COL23A1: variants seen among roughly 807,000 people sequenced by gnomAD.
COL23A1 encodes collagen alpha-1(XXIII) chain.
Under a neutral mutation model 99.3 loss-of-function variants are expected in COL23A1, and 97 were observed. The ratio of observed to expected loss-of-function variants is 0.98; its 90% CI spans 0.83 to 1.16. COL23A1 has a LOEUF of 1.16. COL23A1 is among the 50% of genes most tolerant of loss of function. The pLI is 0.00. For missense variants in COL23A1, 762 were observed against 757.4 expected, an observed-to-expected ratio of 1.01 and a Z score of -0.07; for synonymous variants, 320 against 308.2, an observed-to-expected ratio of 1.04 and a Z score of -0.40.
chr5:178,375,632 G>A (rs895811378), intron 2 of COL23A1, among the ~76,000 whole-genome samples: 3 of 152,180 alleles, frequency 2.0e-5, no homozygotes, highest in South Asian at 2.1e-4. Context: ...CCAGGCAAAC[G>A]CTTGCTCACT....
intron 2 of COL23A1, among the ~76,000 whole-genome samples, chr5:178,393,410 G>A (rs1257718602): frequency 6.6e-6 from 1 of 152,166 alleles, no homozygotes; most frequent in East Asian, 1.9e-4. Context: ...CTTAATGGGT[G>A]CAGAGTTTTC....
intron 2 of COL23A1, among the ~76,000 whole-genome samples, chr5:178,522,955 C>T (rs927844425): frequency 6.6e-6 from 1 of 151,348 alleles, no homozygotes; most frequent in Non-Finnish European, 1.5e-5. Flanking sequence ...CATCCCCTGC[C>T]CTATACTCTA....
At chr5:178,562,436 C>T (rs577812322) in intron 1 of COL23A1, among the ~76,000 whole-genome samples, 2 of 151,372 alleles carry the variant, frequency 1.3e-5, no homozygotes, top group South Asian at 4.2e-4. Flanking sequence ...CGCCTGTAGT[C>T]CCAGCTTACC....
At chr5:178,503,953 C>CCT (rs1020579156) in intron 2 of COL23A1, among the ~76,000 whole-genome samples, 2 of 152,036 alleles carry the variant, frequency 1.3e-5, no homozygotes, top group African/African-American at 4.8e-5. Flanking sequence ...GGAAACAGGT[C>CCT]CTCGGGTGTT....
At chr5:178,372,571 G>A (rs961390186) in intron 2 of COL23A1, among the ~76,000 whole-genome samples, 3 of 152,166 alleles carry the variant, frequency 2.0e-5, no homozygotes, top group Non-Finnish European at 2.9e-5. Flanking sequence ...CCCAGCTTCC[G>A]ATTTCTTTTT....
rs1172780803 is a variant in COL23A1 at position 178,252,578 on chromosome 5, C to T, written c.980G>A (p.Gly327Glu). ...AGGGATCCCTGGTGGCCCTGGGGGCCCCTGTGGTCCGGGAGGCCCCTGTGT... is the reference window on the plus strand; with the variant it reads ...AGGGATCCCTGGTGGCCCTGGGGGCTCCTGTGGTCCGGGAGGCCCCTGTGT... Reference protein sequence around the residue: ...DALKGPPGPQGPPGPPGIPGA... With the variant: ...DALKGPPGPQEPPGPPGIPGA... The change falls in exon 17 of 29, where the codon GGG becomes GAG. Residue 327 changes from glycine (G) to glutamate (E), a missense_variant. Coordinates refer to ENST00000390654, the MANE Select transcript of COL23A1 (RefSeq NM_173465.4). The T allele has an allele frequency of 6.2e-7, 1 of 1,611,384 alleles. No homozygotes were observed. The highest frequency in any genetic ancestry group is 1.1e-5 in the South Asian group (1 of 90,310).
At chr5:178,438,101 C>G (rs1235707985) in intron 2 of COL23A1, among the ~76,000 whole-genome samples, 1 of 152,232 alleles carries the variant, frequency 6.6e-6, no homozygotes, top group African/African-American at 2.4e-5. Context: ...TGGCACCTGT[C>G]CCCATCCTCA....
intron 2 of COL23A1, among the ~76,000 whole-genome samples, chr5:178,553,185 A>G (rs2113492475): frequency 6.6e-6 from 1 of 151,778 alleles, no homozygotes; most frequent in Admixed American, 6.6e-5. Flanking sequence ...AAAAAAAAAA[A>G]AAAGTCCCAA....
Position 178,547,479 on chromosome 5 carries a change from A to ACACC in COL23A1, c.361+13202_361+13203insGGTG, listed in dbSNP as rs1298188871. 2.0e-3 allele frequency among the ~76,000 whole-genome samples: 38 copies of ACACC among 19,402 alleles called. 1 individual carries two copies. Among genetic ancestry groups the ACACC allele is most frequent in the African/African-American group, 3.8e-3 (27 of 7,104 alleles). The allele number at this position is 19,402 out of a possible 152,430, so 12.7% of individuals were successfully genotyped here. A position where few individuals can be genotyped will look rare whatever the true frequency, so the allele number is the denominator to read the frequency against. ...TGTGGGCACACACACCCACACACCC[A>ACACC]CACACACACCCACACATCCCCATAC... On this transcript the variant is annotated intron_variant, in intron 2 of 28. Coordinates refer to ENST00000390654, the MANE Select transcript of COL23A1 (RefSeq NM_173465.4).
At chr5:178,441,134 TGA>T (rs1766843133) in intron 2 of COL23A1, among the ~76,000 whole-genome samples, 1 of 152,166 alleles carries the variant, frequency 6.6e-6, no homozygotes, top group Admixed American at 6.5e-5. Flanking sequence ...GTCTACTCTG[TGA>T]GAGTGGCTTT....
intron 2 of COL23A1, among the ~76,000 whole-genome samples, chr5:178,414,786 A>G (rs556185570): frequency 1.3e-5 from 2 of 152,176 alleles, no homozygotes; most frequent in African/African-American, 4.8e-5. Flanking sequence ...AAAAAAGGCA[A>G]CCAGGAAAGC....
chr5:178,386,657 GCTCA>G lies in COL23A1; in HGVS notation c.362-79742_362-79739del, dbSNP rs145549014. ...CTCCGTGAACTCCCCCGCCCCCACAGCTCACTGAGACCCGGTGGGAGGGAAGCGT... is the reference window on the plus strand; with the variant it reads ...CTCCGTGAACTCCCCCGCCCCCACAGCTGAGACCCGGTGGGAGGGAAGCGT... On this transcript the variant is annotated intron_variant, in intron 2 of 28. Transcript: ENST00000390654. Among the ~76,000 whole-genome samples the G allele has an allele frequency of 3.5e-3, 537 of 152,258 alleles. 3 individuals carry two copies. The highest frequency in any genetic ancestry group is 0.012 in the African/African-American group (512 of 41,550).
chr5:178,453,960 G>A (rs1162901453), intron 2 of COL23A1, among the ~76,000 whole-genome samples: 1 of 152,058 alleles, frequency 6.6e-6, no homozygotes, highest in African/African-American at 2.4e-5. Flanking sequence ...AGATATTGTG[G>A]CCAAAGTTTG....
rs535193663 is a variant in COL23A1 at position 178,458,366 on chromosome 5, G to A, written c.361+102316C>T. Among the ~76,000 whole-genome samples the A allele has an allele frequency of 3.9e-5, 6 of 152,310 alleles. No individual in the cohort carries two copies. The East Asian group carries it at 1.2e-3, about 29-fold the overall frequency. On this transcript the variant is annotated intron_variant, in intron 2 of 28. Transcript: ENST00000390654. ...AAAGAAAGAAGAGTAACAGAGCCGG[G>A]CACGGTGGCTCATGCCTGTAATCCC... is the stretch of plus-strand genomic sequence containing the variant.
At chr5:178,270,568 G>A (rs1756234079) in intron 5 of COL23A1, among the ~76,000 whole-genome samples, 1 of 152,164 alleles carries the variant, frequency 6.6e-6, no homozygotes, top group Admixed American at 6.5e-5. Flanking sequence ...TCTGACAAGA[G>A]AGCCCAGTTC....
chr5:178,466,964 A>G (rs1264152383), intron 2 of COL23A1, among the ~76,000 whole-genome samples: 1 of 152,210 alleles, frequency 6.6e-6, no homozygotes. Context: ...CCAGCTGTAA[A>G]ATGGGGATAA....
chr5:178,576,830 T>A (rs1489170054), intron 1 of COL23A1, among the ~76,000 whole-genome samples: 5 of 151,768 alleles, frequency 3.3e-5, no homozygotes, highest in African/African-American at 9.7e-5. Flanking sequence ...AGCGCGGGCC[T>A]CTCGGGCAGC....
intron 2 of COL23A1, among the ~76,000 whole-genome samples, chr5:178,545,844 T>C (rs1581606621): frequency 6.6e-6 from 1 of 152,194 alleles, no homozygotes; most frequent in Admixed American, 6.5e-5. Flanking sequence ...ACATATTTGA[T>C]GCCTACTGTG....
intron 2 of COL23A1, among the ~76,000 whole-genome samples, chr5:178,357,873 G>T (rs1384559540): frequency 6.7e-6 from 1 of 149,556 alleles, no homozygotes; most frequent in Non-Finnish European, 1.5e-5. Flanking sequence ...GTATATGTGT[G>T]TGCATGTGTA....
Sources: gnomAD v4.1 joint callset for allele counts (sites outside exome capture counted in the v4.1 genomes callset) on GRCh38, gnomAD v4.1.1 for gene constraint, MANE v1.5 for transcripts, NCBI Gene and HGNC (gene_info 2026-07-23, HGNC 2026-07-21) for gene names.